The following SLC23A2 variants were observed in gnomAD, a reference collection of about 807,000 sequenced individuals.
The protein encoded by SLC23A2 is Na(+)/L-ascorbic acid transporter 2.
SLC23A2 carries 36 observed loss-of-function variants against 73.3 expected under a neutral mutation model. The ratio of observed to expected loss-of-function variants is 0.49; its 90% CI spans 0.38 to 0.65. The LOEUF (loss-of-function observed/expected upper bound fraction) is 0.65. Among genes scored for constraint, SLC23A2 ranks in the 30% least tolerant of loss-of-function variants. The pLI, the probability that SLC23A2 is intolerant of heterozygous loss-of-function variation, is 0.00. For synonymous variants in SLC23A2, 343 were observed against 327.3 expected (o/e 1.05, Z -0.52); for missense variants, 507 against 841.6 (o/e 0.60, Z 4.92).
chr20:4,987,400 C>T (rs938346023), intron 1 of SLC23A2, among the ~76,000 whole-genome samples: 4 of 152,128 alleles, frequency 2.6e-5, no homozygotes, highest in African/African-American at 9.7e-5. Context: ...AGAACGATCA[C>T]TCGTGAAACT....
chr20:4,896,390 C>T (rs1415879741), intron 6 of SLC23A2, among the ~76,000 whole-genome samples: 2 of 152,124 alleles, frequency 1.3e-5, no homozygotes, highest in Non-Finnish European at 2.9e-5. Context: ...GGGGTGCAGG[C>T]AACACACAGC....
chr20:4,986,689 C>CACACACACACACACACACACACAG (rs71197739), intron 1 of SLC23A2, among the ~76,000 whole-genome samples: 1 of 129,886 alleles, frequency 7.7e-6, no homozygotes, highest in South Asian at 2.8e-4. Flanking sequence ...CACACACACA[C>CACACACACACACACACACACACAG]AGAGATGAAT....
chr20:4,978,367 A>C (rs2087676453), intron 1 of SLC23A2, among the ~76,000 whole-genome samples: 2 of 152,184 alleles, frequency 1.3e-5, no homozygotes, highest in Admixed American at 1.3e-4. Flanking sequence ...AAAACTTTCT[A>C]AACCTCTCCA....
chr20:4,943,483 C>T lies in SLC23A2; in HGVS notation c.-154-10767G>A, dbSNP rs564655115. ...AGGAGTTCAAGACCAGCCTGGGCAA[C>T]GTGACGAAACCCCATTTCTACCAAA... On this transcript the variant is annotated intron_variant, in intron 2 of 16. Transcript: ENST00000338244. 2.5e-4 allele frequency among the ~76,000 whole-genome samples: 37 copies of T among 149,742 alleles called. No homozygotes were observed. The South Asian group carries it at 6.7e-3, about 27-fold the overall frequency.
chr20:4,866,849 C>T (rs1311146402), intron 13 of SLC23A2, among the ~76,000 whole-genome samples: 1 of 152,088 alleles, frequency 6.6e-6, no homozygotes, highest in Admixed American at 6.5e-5. Context: ...CCGGGCTCAC[C>T]CCAAGTCCTC....
At position 4,914,983 on chromosome 20, in the gene SLC23A2, T is replaced by C. The variant is rs116278986; in HGVS notation, c.109-2005A>G. Among the ~76,000 whole-genome samples, 1,292 of 152,206 alleles carry C rather than the reference T, an allele frequency of 8.5e-3. 21 individuals are homozygous for C. The highest frequency in any genetic ancestry group is 0.03 in the African/African-American group (1,226 of 41,530). On this transcript the variant is annotated intron_variant, in intron 3 of 16. Coordinates refer to ENST00000338244, the MANE Select transcript of SLC23A2 (RefSeq NM_005116.6). ...GGAACATGAAAGGTGGGGGTTGCAC[T>C]CCAGCCTGGGTGACCGAGCAAGACA...
At chr20:4,942,638 T>C (rs2087060855) in intron 2 of SLC23A2, among the ~76,000 whole-genome samples, 1 of 152,182 alleles carries the variant, frequency 6.6e-6, no homozygotes, top group Non-Finnish European at 1.5e-5. Flanking sequence ...CTTCATTTTA[T>C]CCGACCATCT....
intron 4 of SLC23A2, among the ~76,000 whole-genome samples, chr20:4,908,920 C>A (rs1932049873): frequency 6.6e-6 from 1 of 152,060 alleles, no homozygotes; most frequent in African/African-American, 2.4e-5. Flanking sequence ...AATGACAGAG[C>A]AAGACTATCT....
chr20:4,920,221 A>C (rs552213377), intron 3 of SLC23A2, among the ~76,000 whole-genome samples: 16 of 152,346 alleles, frequency 1.1e-4, no homozygotes, highest in Middle Eastern at 3.4e-3. Context: ...AGAACATGAC[A>C]CTGCACTCCA....
In SLC23A2 at chr20:4,932,722, AAAG is replaced by A; in HGVS notation, c.-154-9_-154-7del. 1 of 593,034 alleles carries A rather than the reference AAAG, an allele frequency of 1.7e-6. No individual in the cohort carries two copies. Among genetic ancestry groups the A allele is most frequent in the Non-Finnish European group, 3.0e-6 (1 of 332,996 alleles). The allele number at this position is 593,034 out of a possible 1,614,324, so 36.7% of individuals were successfully genotyped here. On this transcript the variant is annotated splice_region_variant and splice_polypyrimidine_tract_variant and intron_variant, in intron 2 of 16. Coordinates refer to ENST00000338244, the MANE Select transcript of SLC23A2 (RefSeq NM_005116.6). Reference sequence around the variant, plus strand: ...CAAACGGCATCTCTTAGCACCTAGAAAAGAAGAGCACAGCCAAATCACCCCAAA... The same window carrying A: ...CAAACGGCATCTCTTAGCACCTAGAAAAGAGCACAGCCAAATCACCCCAAA...
At chr20:4,901,075 A>G (rs1931726715) in intron 5 of SLC23A2, among the ~76,000 whole-genome samples, 1 of 152,178 alleles carries the variant, frequency 6.6e-6, no homozygotes, top group South Asian at 2.1e-4. Context: ...GGGAACATTT[A>G]TAAGATAAAC....
At chr20:4,955,647 C>T (rs57215863) in intron 2 of SLC23A2, among the ~76,000 whole-genome samples, 6,615 of 151,866 alleles carry the variant, frequency 0.044, 447 homozygotes, top group African/African-American at 0.15. Context: ...AAAAATTAGC[C>T]GGGTATGGGG....
chr20:4,859,994 T>C (rs1266105916), intron 15 of SLC23A2, among the ~76,000 whole-genome samples: 1 of 152,198 alleles, frequency 6.6e-6, no homozygotes, highest in African/African-American at 2.4e-5. Flanking sequence ...GGTGAGGATG[T>C]GGAGAAACAG....
intron 4 of SLC23A2, among the ~76,000 whole-genome samples, chr20:4,908,889 G>C (rs1351837473): frequency 6.6e-6 from 1 of 152,218 alleles, no homozygotes; most frequent in Admixed American, 6.5e-5. Context: ...AGCTGAGATT[G>C]TGCCACTGCA....
At position 4,998,061 on chromosome 20, in the gene SLC23A2, A is replaced by C. The variant is rs1218806938; in HGVS notation, c.-282+3345T>G. Reference sequence around the variant, plus strand: ...TGGACTTCCCAGACTCCAGAATTATACGAAACAAATTTCCGTTGTTTAAGC... The same window carrying C: ...TGGACTTCCCAGACTCCAGAATTATCCGAAACAAATTTCCGTTGTTTAAGC... On this transcript the variant is annotated intron_variant, in intron 1 of 16. Transcript: ENST00000338244. This position sits in a 1 kb window ranked among gnomAD's most constrained non-coding sequence, Gnocchi z 4.1. Among the ~76,000 whole-genome samples the C allele has an allele frequency of 6.6e-6, 1 of 152,150 alleles. No individual in the cohort carries two copies. The highest frequency in any genetic ancestry group is 1.9e-4 in the East Asian group (1 of 5,200).
intron 4 of SLC23A2, among the ~76,000 whole-genome samples, chr20:4,910,255 T>C (rs563583114): frequency 1.3e-5 from 2 of 152,068 alleles, no homozygotes; most frequent in South Asian, 4.2e-4. Context: ...CGTGCGCCTC[T>C]GGTCCCAGCT....
chr20:5,002,362 T>C (rs1483815498), upstream of SLC23A2, among the ~76,000 whole-genome samples: 5 of 152,244 alleles, frequency 3.3e-5, no homozygotes, highest in East Asian at 1.9e-4. Context: ...GGACCACACG[T>C]ATTGAGCCAC....
At chr20:4,917,440 C>T (rs918890682) in intron 3 of SLC23A2, among the ~76,000 whole-genome samples, 9 of 151,936 alleles carry the variant, frequency 5.9e-5, no homozygotes, top group Non-Finnish European at 1.2e-4. Context: ...GCAGGGGGCA[C>T]GGGAGTAAAG....
rs2087141551 is a variant in SLC23A2 at position 4,947,879 on chromosome 20, C to T, written c.-154-15163G>A. On this transcript the variant is annotated intron_variant, in intron 2 of 16. Transcript: ENST00000338244. The surrounding 1 kb of genome is among the most constrained non-coding windows in gnomAD (Gnocchi z 4.4). ...TTACTTTCAGGGAATAGAAAGAATG[C>T]TTTCTTCTCTTCCAGGTCTCCAGAT... 6.6e-6 allele frequency among the ~76,000 whole-genome samples: 1 copy of T among 152,228 alleles called. No individual in the cohort carries two copies. Among genetic ancestry groups the T allele is most frequent in the Non-Finnish European group, 1.5e-5 (1 of 68,042 alleles).
Sources: gnomAD v4.1 joint callset for allele counts (sites outside exome capture counted in the v4.1 genomes callset) on GRCh38, gnomAD v4.1.1 for gene constraint, Gnocchi (gnomAD v3.1) non-coding constraint, MANE v1.5 for transcripts, NCBI Gene and HGNC (gene_info 2026-07-23, HGNC 2026-07-21) for gene names.